RAB1A: variants seen among roughly 807,000 people sequenced by gnomAD.
The protein encoded by RAB1A is ras-related protein Rab-1A.
In RAB1A, 2 loss-of-function variants were observed where a neutral mutation model predicts 26.0. The observed-to-expected ratio is 0.08, with a 90% CI of 0.03 to 0.24. RAB1A has a LOEUF of 0.24. Among genes scored for constraint, RAB1A ranks in the 10% least tolerant of loss-of-function variants. RAB1A has a pLI of 1.00. For synonymous variants in RAB1A, 84 were observed against 84.9 expected, an observed-to-expected ratio of 0.99 and a Z score of 0.06; for missense variants, 100 against 247.0, an observed-to-expected ratio of 0.40 and a Z score of 3.99.
chr2:65,121,091 T>TA (rs955641691), intron 1 of RAB1A, among the ~76,000 whole-genome samples: 3 of 150,660 alleles, frequency 2.0e-5, no homozygotes, highest in South Asian at 2.1e-4. Flanking sequence ...TCTCATCTCT[T>TA]AAAAAAAAAT....
At chr2:65,107,676 T>C (rs903390279) in intron 1 of RAB1A, among the ~76,000 whole-genome samples, 3 of 152,116 alleles carry the variant, frequency 2.0e-5, no homozygotes, top group Non-Finnish European at 4.4e-5. Flanking sequence ...CTGGACTCAA[T>C]GTACCAATCT....
chr2:65,104,670 C>T (rs768505636), intron 2 of RAB1A, 64 bp downstream of exon 2: 19 of 1,206,568 alleles, frequency 1.6e-5, no homozygotes, highest in African/African-American at 4.6e-5. Flanking sequence ...ATTTTATCTA[C>T]CTAGAAAACA....
Position 65,088,517 on chromosome 2 carries a change from C to T in RAB1A, c.594G>A (p.Lys198=). ...SNVKIQSTPV[K]QSGGGCC is the part of the protein sequence containing the mutation. ...TTTAGCAGCAACCTCCACCTGACTG[C>T]TTGACTGGAGTGCTCTGAATTTTAA... The change falls in exon 6 of 6, where the codon AAG becomes AAA. Residue 198 remains lysine, a synonymous_variant. Coordinates refer to ENST00000409784, the MANE Select transcript of RAB1A (RefSeq NM_004161.5). The T allele has an allele frequency of 6.2e-7, 1 of 1,610,336 alleles. No homozygotes were observed. The highest frequency in any genetic ancestry group is 8.5e-7 in the Non-Finnish European group (1 of 1,178,362).
At chr2:65,093,624 A>ATTTT (rs57642294) in intron 3 of RAB1A, among the ~76,000 whole-genome samples, 1 of 142,640 alleles carries the variant, frequency 7.0e-6, no homozygotes, top group Non-Finnish European at 1.5e-5. Flanking sequence ...TTGTGTTTAG[A>ATTTT]TTTTTTTTTT....
chr2:65,087,174 G>A lies in RAB1A; in HGVS notation c.*1319C>T, dbSNP rs1669052292. ...TCAGTCACCTTAAAATGCCAGTGTGGGCAGAAGATTTTTTATTCCTCACAA... is the reference window on the plus strand; with the variant it reads ...TCAGTCACCTTAAAATGCCAGTGTGAGCAGAAGATTTTTTATTCCTCACAA... On this transcript the variant is annotated 3_prime_UTR_variant, in exon 6 of 6. Coordinates refer to ENST00000409784, the MANE Select transcript of RAB1A (RefSeq NM_004161.5). The A allele has an allele frequency of 6.6e-6, 1 of 152,206 alleles. No individual in the cohort carries two copies. Among genetic ancestry groups the A allele is most frequent in the African/African-American group, 2.4e-5 (1 of 41,376 alleles). 9.4% of individuals were successfully genotyped at this position (152,206 alleles called of 1,614,324 possible).
chr2:65,088,844 A>T, intron 5 of RAB1A, 95 bp downstream of exon 5: 1 of 1,386,578 alleles, frequency 7.2e-7, no homozygotes. Context: ...TCTAGTGCAC[A>T]TATTTTTAAA....
chr2:65,108,285 C>T (rs1669610958), intron 1 of RAB1A, among the ~76,000 whole-genome samples: 2 of 149,150 alleles, frequency 1.3e-5, no homozygotes, highest in Admixed American at 6.7e-5. Flanking sequence ...TTGCTTGAAC[C>T]CAGGAGGCAG....
At chr2:65,095,574 G>A (rs1669264376) in intron 3 of RAB1A, among the ~76,000 whole-genome samples, 1 of 146,948 alleles carries the variant, frequency 6.8e-6, no homozygotes, top group Admixed American at 6.9e-5. Flanking sequence ...GCTGGTCACA[G>A]GAGCTATGTT....
rs752587225 is a variant in RAB1A, at chr2:65,129,884, T to G, written c.23+9A>C. The G allele has an allele frequency of 6.3e-7, 1 of 1,595,344 alleles. No individual in the cohort carries two copies. Among genetic ancestry groups the G allele is most frequent in the Middle Eastern group, 1.6e-4 (1 of 6,072 alleles). On this transcript the variant is annotated intron_variant, in intron 1 of 5. Transcript: ENST00000409784. ...CGGACCCAGCCGACCGGTGCTCTCC[T>G]GAACTCACTATTCGGGATTCATGCT...
At chr2:65,100,053 T>C (rs1321989272) in intron 2 of RAB1A, among the ~76,000 whole-genome samples, 1 of 152,060 alleles carries the variant, frequency 6.6e-6, no homozygotes, top group Non-Finnish European at 1.5e-5. Context: ...AACAACCAAA[T>C]GGAAACTGTA....
At chr2:65,117,831 A>G (rs1369253382) in intron 1 of RAB1A, among the ~76,000 whole-genome samples, 1 of 152,076 alleles carries the variant, frequency 6.6e-6, no homozygotes, top group Non-Finnish European at 1.5e-5. Context: ...TCAGCCTCCG[A>G]AAGTGCTGAG....
chr2:65,114,742 G>A (rs958845536), intron 1 of RAB1A, among the ~76,000 whole-genome samples: 3 of 152,122 alleles, frequency 2.0e-5, no homozygotes, highest in Non-Finnish European at 2.9e-5. Flanking sequence ...CTACTCGGGA[G>A]GCTGAGGCAG....
In RAB1A at chr2:65,113,313, G is replaced by A. The variant is rs143207914; in HGVS notation, c.24-8507C>T. On this transcript the variant is annotated intron_variant, in intron 1 of 5. Coordinates refer to ENST00000409784, the MANE Select transcript of RAB1A (RefSeq NM_004161.5). ...GATGTCCGCTGATGTATGTACCTAC[G>A]CCATTTTTGTATGCAAGCACTACCA... 1.0e-3 allele frequency among the ~76,000 whole-genome samples: 152 copies of A among 152,118 alleles called. 1 individual carries two copies. The East Asian group carries it at 0.014, about 14-fold the overall frequency.
At chr2:65,107,591 G>T (rs1417853648) in intron 1 of RAB1A, among the ~76,000 whole-genome samples, 1 of 151,898 alleles carries the variant, frequency 6.6e-6, no homozygotes, top group African/African-American at 2.4e-5. Flanking sequence ...GTGTTCAAGT[G>T]ATTCTCAGGC....
chr2:65,095,575 G>A (rs1229875376), intron 3 of RAB1A, among the ~76,000 whole-genome samples: 1 of 148,446 alleles, frequency 6.7e-6, no homozygotes, highest in African/African-American at 2.5e-5. Context: ...CTGGTCACAG[G>A]AGCTATGTTG....
intron 1 of RAB1A, among the ~76,000 whole-genome samples, chr2:65,125,065 AG>A (rs1670066153): frequency 6.6e-6 from 1 of 150,846 alleles, no homozygotes; most frequent in African/African-American, 2.4e-5. Context: ...AAAAAAAAAA[AG>A]GTCAAATGTT....
At chr2:65,119,148 T>G (rs2103875042) in intron 1 of RAB1A, among the ~76,000 whole-genome samples, 1 of 152,202 alleles carries the variant, frequency 6.6e-6, no homozygotes, top group Admixed American at 6.5e-5. Flanking sequence ...CAGGCTGCAG[T>G]AAGCCATGAT....
chr2:65,104,317 C>G lies in RAB1A; in HGVS notation c.96+417G>C, dbSNP rs535631846. On this transcript the variant is annotated intron_variant, in intron 2 of 5. Coordinates refer to ENST00000409784, the MANE Select transcript of RAB1A (RefSeq NM_004161.5). ...ACTCAAGTGATCCTTCCACCCTCAGCACCCTGAGTAGCTGAGACTGCAGGC... is the reference window on the plus strand; with the variant it reads ...ACTCAAGTGATCCTTCCACCCTCAGGACCCTGAGTAGCTGAGACTGCAGGC... Among the ~76,000 whole-genome samples, 3 of 152,296 alleles carry G rather than the reference C, an allele frequency of 2.0e-5. No individual in the cohort carries two copies. The East Asian group carries it at 5.8e-4, about 29-fold the overall frequency.
intron 4 of RAB1A, 114 bp from the exon 5 acceptor site, chr2:65,089,184 T>C (rs1669108924): frequency 2.0e-6 from 2 of 1,019,954 alleles, no homozygotes; most frequent in Admixed American, 2.7e-5. Flanking sequence ...GAGACAACTC[T>C]AGCTACAAAA....
Sources: allele counts gnomAD v4.1 joint callset (sites outside exome capture counted in the v4.1 genomes callset), GRCh38; gene constraint gnomAD v4.1.1; transcripts MANE v1.5; gene names NCBI Gene and HGNC (gene_info 2026-07-23, HGNC 2026-07-21).